The following MROH1 variants were observed in gnomAD, a reference collection of about 807,000 sequenced individuals.
The protein encoded by MROH1 is maestro heat-like repeat-containing protein family member 1.
In MROH1, 117 loss-of-function variants were observed where a neutral mutation model predicts 116.5. The observed-to-expected ratio is 1.00, with a 90% confidence interval of 0.86 to 1.17. The LOEUF is 1.17. MROH1 is among the 50% of genes most tolerant of loss of function. The probability of loss-of-function intolerance (pLI) is 0.00; values close to 1 mark genes in which losing one functional copy is unlikely to be tolerated. For synonymous variants in MROH1, 921 were observed against 583.9 expected, an observed-to-expected ratio of 1.58 and a Z score of -8.32; for missense variants, 1,873 against 1,338.5, an observed-to-expected ratio of 1.40 and a Z score of -6.23.
chr8:144,223,487 C>T (rs1166008600), intron 14 of MROH1, among the ~76,000 whole-genome samples: 6 of 152,148 alleles, frequency 3.9e-5, no homozygotes, highest in African/African-American at 9.7e-5. Flanking sequence ...GAGACCCTCC[C>T]GCCTCAGCCC....
chr8:144,258,780 T>C lies in MROH1; in HGVS notation c.3795T>C (p.Ser1265=), dbSNP rs1844412540. 1 of 767,594 alleles carries C rather than the reference T, an allele frequency of 1.3e-6. No homozygotes were observed. Among genetic ancestry groups the C allele is most frequent in the African/African-American group, 1.7e-5 (1 of 59,044 alleles). The allele number at this position is 767,594 out of a possible 1,614,324, so 47.5% of individuals were successfully genotyped here. A position where few individuals can be genotyped will look rare whatever the true frequency, so the allele number is the denominator to read the frequency against. ...GAGCACCCTGGCAATCCTGCAGCTC[T>C]GCAGTGGACACCCTGCGGTCCATGC... ...LATRNLEPCS[S]AVDTLRSMLL... Residue 1265 remains serine (S), a synonymous_variant, in exon 36 of 44, where the codon TCT becomes TCC. Coordinates refer to ENST00000326134, the MANE Select transcript of MROH1 (RefSeq NM_032450.3).
intron 9 of MROH1, 132 bp downstream of exon 9, chr8:144,191,987 T>C (rs1231021297): frequency 7.4e-6 from 8 of 1,077,800 alleles, no homozygotes; most frequent in African/African-American, 1.6e-5. Context: ...TAAGGCTCAG[T>C]GGTGGGCTGT....
At chr8:144,250,751 G>T (rs1842718242) in intron 33 of MROH1, 4 of 375,502 alleles carry the variant, frequency 1.1e-5, no homozygotes, top group Non-Finnish European at 2.1e-5. Context: ...CTTGTCCTCT[G>T]CAGGGCATCC....
intron 39 of MROH1, 148 bp from the exon 40 acceptor site, chr8:144,260,529 C>T (rs904787997): frequency 1.2e-5 from 9 of 734,212 alleles, no homozygotes; most frequent in Non-Finnish European, 2.2e-5. Context: ...TTTGCTGGGC[C>T]TGGCAGCCCC....
chr8:144,250,573 G>T, intron 33 of MROH1: 2 of 645,188 alleles, frequency 3.1e-6, no homozygotes, highest in Non-Finnish European at 5.6e-6. Context: ...AGGCGTTTTG[G>T]GATCCTCACT....
At chr8:144,216,976 T>C (rs1835406089) in intron 12 of MROH1, among the ~76,000 whole-genome samples, 2 of 152,068 alleles carry the variant, frequency 1.3e-5, no homozygotes, top group Admixed American at 1.3e-4. Context: ...ATGTGAGCCA[T>C]CGCGCCTGGC....
chr8:144,254,975 C>T lies in MROH1; in HGVS notation c.3591C>T (p.Leu1197=), dbSNP rs1843436594. ...ACCGCGTGGCCACGCTGCTGCCTCTCTCGGTGAGTCGGGCTCTCGGGGCCA... is the reference window on the plus strand; with the variant it reads ...ACCGCGTGGCCACGCTGCTGCCTCTTTCGGTGAGTCGGGCTCTCGGGGCCA... ...TPDRVATLLP[L]SATCALFEVM... Residue 1197 remains leucine (L), a synonymous_variant, in exon 34 of 44, where the codon CTC becomes CTT. Transcript: ENST00000326134. 1.3e-6 allele frequency: 1 copy of T among 762,834 alleles called. No individual in the cohort carries two copies. Among genetic ancestry groups the T allele is most frequent in the South Asian group, 1.4e-5 (1 of 72,116 alleles). 47.3% of individuals were successfully genotyped at this position (762,834 alleles called of 1,614,324 possible).
intron 11 of MROH1, 42 bp from the exon 12 acceptor site, chr8:144,200,386 A>G (rs1382719948): frequency 6.8e-7 from 1 of 1,466,802 alleles, no homozygotes; most frequent in Non-Finnish European, 9.2e-7. Context: ...ATAGGGATGA[A>G]CAAGATGACA....
chr8:144,188,533 C>G (rs1489053349), intron 7 of MROH1, among the ~76,000 whole-genome samples: 4 of 139,488 alleles, frequency 2.9e-5, no homozygotes, highest in Non-Finnish European at 6.0e-5. Context: ...ATGGCGTGAT[C>G]TCAGCTCACT....
At chr8:144,187,239 C>T (rs945613765) in intron 7 of MROH1, among the ~76,000 whole-genome samples, 2 of 151,994 alleles carry the variant, frequency 1.3e-5, no homozygotes, top group Admixed American at 6.6e-5. Context: ...AGTGAGACCT[C>T]TGTTTCTAAA....
At chr8:144,234,498 G>GTTTTTGTTTTTTTTTTTTTT (rs1839621583) in intron 14 of MROH1, among the ~76,000 whole-genome samples, 13 of 18,102 alleles carry the variant, frequency 7.2e-4, no homozygotes, top group Non-Finnish European at 1.2e-3. Context: ...TTTCTTTTTC[G>GTTTTTGTTTTTTTTTTTTTT]TTTTTTTTTT....
chr8:144,180,596 T>C lies in MROH1; in HGVS notation c.562+73T>C. 1.8e-6 allele frequency: 2 copies of C among 1,124,856 alleles called. No individual in the cohort carries two copies. The highest frequency in any genetic ancestry group is 2.5e-6 in the Non-Finnish European group (2 of 797,684). The allele number at this position is 1,124,856 out of a possible 1,614,324, so 69.7% of individuals were successfully genotyped here. On this transcript the variant is annotated intron_variant, in intron 7 of 43. Transcript: ENST00000326134. The surrounding 1 kb of genome is among the most constrained non-coding windows in gnomAD (Gnocchi z 7.4). ...GGGCTGTTCCCGGGCATGCCTGTTT[T>C]AGGGGGGACAGGTGGGCACTTTAGG... is the stretch of plus-strand genomic sequence containing the variant.
intron 35 of MROH1, among the ~76,000 whole-genome samples, chr8:144,256,246 G>A (rs1843749890): frequency 6.6e-6 from 1 of 152,142 alleles, no homozygotes; most frequent in Admixed American, 6.5e-5. Context: ...GCGTGGCTGT[G>A]TGGCCTGACC....
chr8:144,225,913 T>TTTA (rs1837714033), intron 14 of MROH1, among the ~76,000 whole-genome samples: 1 of 126,462 alleles, frequency 7.9e-6, no homozygotes, highest in Non-Finnish European at 1.5e-5. Flanking sequence ...ATTTTTAGTT[T>TTTA]TTTTTTTTTT....
chr8:144,259,889 G>T (rs1280309782), intron 37 of MROH1, 22 bp from the exon 38 acceptor site: 2 of 727,816 alleles, frequency 2.7e-6, no homozygotes, highest in African/African-American at 1.7e-5. Flanking sequence ...GGAGAGGGAA[G>T]TCACAGCACC....
Position 144,191,684 on chromosome 8 carries a change from C to T in MROH1, c.715-31C>T, listed in dbSNP as rs113114037. The T allele has an allele frequency of 2.6e-3, 4,225 of 1,608,908 alleles. 62 individuals carry two copies. In the African/African-American group the frequency reaches 0.039, roughly 15 times the overall value. ...TGAGCAGTCGGTGTTGACTGAGCAG[C>T]GTAAGCTTCCCGCCCACTGTCCCCT... On this transcript the variant is annotated intron_variant, in intron 8 of 43. Coordinates refer to ENST00000326134, the MANE Select transcript of MROH1 (RefSeq NM_032450.3).
chr8:144,158,697 C>G (rs987301616), intron 1 of MROH1, among the ~76,000 whole-genome samples: 8 of 151,988 alleles, frequency 5.3e-5, no homozygotes, highest in Non-Finnish European at 1.2e-4. Context: ...TTTAATTCCA[C>G]TGTGGTCAGA....
At chr8:144,221,887 A>G (rs10099607) in intron 13 of MROH1, among the ~76,000 whole-genome samples, 11,218 of 152,194 alleles carry the variant, frequency 0.074, 1,422 homozygotes, top group African/African-American at 0.26. Context: ...AGGCGTGGTC[A>G]CGATGCTGGA....
intron 31 of MROH1, among the ~76,000 whole-genome samples, chr8:144,247,990 C>T (rs1431006426): frequency 6.6e-6 from 1 of 152,240 alleles, no homozygotes; most frequent in Non-Finnish European, 1.5e-5. Flanking sequence ...CCACTGATAC[C>T]CTGGCCTGCT....
Sources: allele counts gnomAD v4.1 joint callset (sites outside exome capture counted in the v4.1 genomes callset), GRCh38; gene constraint gnomAD v4.1.1; non-coding constraint Gnocchi (gnomAD v3.1); transcripts MANE v1.5; gene names NCBI Gene and HGNC (gene_info 2026-07-23, HGNC 2026-07-21).